The following NAALAD2 variants were observed in gnomAD, a reference collection of about 807,000 sequenced individuals.
NAALAD2 encodes N-acetylated-alpha-linked acidic dipeptidase 2.
A neutral mutation model predicts 95.6 loss-of-function variants in NAALAD2; 89 were observed. That is an observed-to-expected ratio of 0.93 (90% CI 0.78 to 1.11). NAALAD2 has a LOEUF of 1.11. Among genes scored for constraint, NAALAD2 ranks in the 50% least tolerant of loss-of-function variants. NAALAD2 has a pLI of 0.00. For missense variants in NAALAD2, 894 were observed against 872.4 expected, an observed-to-expected ratio of 1.02 and a Z score of -0.31; for synonymous variants, 264 against 294.4, an observed-to-expected ratio of 0.90 and a Z score of 1.06.
chr11:90,163,643 T>C, intron 11 of NAALAD2, 26 bp downstream of exon 11: 3 of 1,608,826 alleles, frequency 1.9e-6, no homozygotes, highest in Non-Finnish European at 2.6e-6. Flanking sequence ...AAGGTTCTTA[T>C]TATTTTTTTG....
At chr11:90,134,554 C>G, upstream of NAALAD2, 1 of 565,834 alleles carries the variant, frequency 1.8e-6, no homozygotes, top group Non-Finnish European at 3.2e-6. Context: ...GGAAGAATGT[C>G]TCCTCCCTCT....
chr11:90,187,249 T>A (rs1385155904), intron 18 of NAALAD2, among the ~76,000 whole-genome samples: 1 of 152,020 alleles, frequency 6.6e-6, no homozygotes, highest in Non-Finnish European at 1.5e-5. Flanking sequence ...TCAACCATTG[T>A]GGAAGTCAGT....
chr11:90,152,467 C>A lies in NAALAD2; in HGVS notation c.779C>A (p.Pro260Gln). The part of the protein sequence containing the change: ...NLNGAGDPLT[P>Q]GYPAKEYTFR... ...AATGGTGCTGGTGACCCACTCACTC[C>A]AGGCTATCCAGCAAAAGGTAAGGGA... Residue 260 changes from proline to glutamine, a missense_variant, in exon 6 of 19, where the codon CCA becomes CAA. Transcript: ENST00000534061. The A allele has an allele frequency of 1.9e-6, 3 of 1,610,590 alleles. No homozygotes were observed. The South Asian group carries it at 3.3e-5, about 18-fold the overall frequency.
At chr11:90,191,336 G>A (rs1857319364) in intron 18 of NAALAD2, among the ~76,000 whole-genome samples, 1 of 149,922 alleles carries the variant, frequency 6.7e-6, no homozygotes, top group Non-Finnish European at 1.5e-5. Flanking sequence ...CTTTGGGTTC[G>A]CAACATGGTA....
At chr11:90,145,382 GCTAAT>G (rs1951725799) in intron 2 of NAALAD2, among the ~76,000 whole-genome samples, 2 of 151,970 alleles carry the variant, frequency 1.3e-5, no homozygotes, top group African/African-American at 4.8e-5. Flanking sequence ...AAAGTTCATG[GCTAAT>G]CCTCCCTCCT....
At position 90,169,143 on chromosome 11, in the gene NAALAD2, A is replaced by G. The variant is rs74521624; in HGVS notation, c.1342+151A>G. On this transcript the variant is annotated intron_variant, in intron 12 of 18. Transcript: ENST00000534061. Reference sequence around the variant, plus strand: ...TCCCCTTCCTTTGAGATGCCTCAGTAATACCTTTATTTTTCATTTTGCCAC... The same window carrying G: ...TCCCCTTCCTTTGAGATGCCTCAGTGATACCTTTATTTTTCATTTTGCCAC... The G allele has an allele frequency of 4.6e-3, 2,413 of 519,960 alleles. 57 individuals carry two copies. The highest frequency in any genetic ancestry group is 0.045 in the African/African-American group (2,230 of 50,074). 32.2% of individuals were successfully genotyped at this position (519,960 alleles called of 1,614,324 possible).
At chr11:90,134,028 T>C (rs1318063945), upstream of NAALAD2, among the ~76,000 whole-genome samples, 1 of 152,136 alleles carries the variant, frequency 6.6e-6, no homozygotes, top group Non-Finnish European at 1.5e-5. Flanking sequence ...TTTGGGAAAT[T>C]GGTGTCTGAG....
At chr11:90,155,336 T>A (rs1405695757) in intron 6 of NAALAD2, among the ~76,000 whole-genome samples, 1 of 116,456 alleles carries the variant, frequency 8.6e-6, no homozygotes, top group Non-Finnish European at 1.6e-5. Flanking sequence ...TAATGTATAA[T>A]TATATATATT....
At chr11:90,144,455 G>T (rs1951698430) in intron 2 of NAALAD2, among the ~76,000 whole-genome samples, 4 of 151,852 alleles carry the variant, frequency 2.6e-5, no homozygotes, top group Admixed American at 2.6e-4. Flanking sequence ...AAGACAAGGA[G>T]GTTGGCTGGG....
At chr11:90,144,742 A>AAAAAAAAAAAAC (rs1555116096) in intron 2 of NAALAD2, among the ~76,000 whole-genome samples, 4 of 146,234 alleles carry the variant, frequency 2.7e-5, no homozygotes, top group African/African-American at 1.0e-4. Flanking sequence ...AACTCCATTA[A>AAAAAAAAAAAAC]AAAAAAAAAA....
At chr11:90,138,241 T>A (rs11018870) in intron 2 of NAALAD2, among the ~76,000 whole-genome samples, 1 of 151,894 alleles carries the variant, frequency 6.6e-6, no homozygotes, top group African/African-American at 2.4e-5. Context: ...TAGATTTTCA[T>A]GAAGGTCTTC....
rs76577722 is a variant in NAALAD2, at chr11:90,150,540, A to G, written c.542A>G (p.Glu181Gly). The G allele has an allele frequency of 7.6e-3, 12,306 of 1,611,220 alleles. 841 individuals are homozygous for G. In the African/African-American group the frequency reaches 0.14, roughly 19 times the overall value. ...GAAGACTTTTTCAAACTAGAAAGAG[A>G]GATGGGCATCAACTGTACTGGGAAG... ...RTEDFFKLEREMGINCTGKIV... is the reference protein window; with the variant it reads ...RTEDFFKLERGMGINCTGKIV... Residue 181 changes from glutamate to glycine, a missense_variant, in exon 5 of 19, where the codon GAG becomes GGG. Physicochemically the swap from Glu to Gly is moderately conservative, Grantham distance 98. Transcript: ENST00000534061.
chr11:90,177,139 C>A (rs111599230), intron 15 of NAALAD2, among the ~76,000 whole-genome samples: 3 of 151,832 alleles, frequency 2.0e-5, no homozygotes, highest in Non-Finnish European at 2.9e-5. Flanking sequence ...AAAGGCAGAC[C>A]GAAGAACTAA....
chr11:90,181,324 G>T (rs1219903131), intron 16 of NAALAD2, among the ~76,000 whole-genome samples: 1 of 152,012 alleles, frequency 6.6e-6, no homozygotes, highest in Non-Finnish European at 1.5e-5. Context: ...CCCAATGAAT[G>T]AATGAATTAA....
rs1202314021 is a variant in NAALAD2, at chr11:90,178,045, A to T, written c.1786A>T (p.Asn596Tyr). The part of the protein sequence containing the change: ...NIQDYAEALK[N>Y]YAASIYNLSK... ...TCAAGACTATGCAGAAGCTTTGAAA[A>T]ACTATGCAGCAAGTATCTATAATCT... Residue 596 changes from asparagine (N) to tyrosine (Y), a missense_variant, in exon 16 of 19, where the codon AAC becomes TAC. Asn to Tyr is a moderately radical substitution (Grantham distance 143, BLOSUM62 -2). Transcript: ENST00000534061. 6.2e-7 allele frequency: 1 copy of T among 1,613,782 alleles called. No homozygotes were observed. The highest frequency in any genetic ancestry group is 8.5e-7 in the Non-Finnish European group (1 of 1,179,900).
At chr11:90,176,713 GAC>G (rs1275147167) in intron 15 of NAALAD2, among the ~76,000 whole-genome samples, 2 of 152,142 alleles carry the variant, frequency 1.3e-5, no homozygotes, top group African/African-American at 4.8e-5. Flanking sequence ...TACAGTAGCA[GAC>G]ACAGATTTGT....
chr11:90,176,966 T>C (rs565861604), intron 15 of NAALAD2, among the ~76,000 whole-genome samples: 2 of 152,338 alleles, frequency 1.3e-5, no homozygotes, highest in Admixed American at 1.3e-4. Flanking sequence ...CTCTGTCTTC[T>C]GTAATTTGCT....
At chr11:90,134,007 A>C (rs1325872564), upstream of NAALAD2, among the ~76,000 whole-genome samples, 1 of 152,144 alleles carries the variant, frequency 6.6e-6, no homozygotes, top group African/African-American at 2.4e-5. Context: ...TAGCATGTCA[A>C]AGCACCATAT....
intron 2 of NAALAD2, among the ~76,000 whole-genome samples, chr11:90,140,005 C>T (rs7128201): frequency 0.45 from 68,171 of 151,788 alleles, 16,277 homozygotes; most frequent in African/African-American, 0.61. Context: ...ATGGATCCCA[C>T]GGTGTTATTC....
Sources: allele counts gnomAD v4.1 joint callset (sites outside exome capture counted in the v4.1 genomes callset), GRCh38; gene constraint gnomAD v4.1.1; transcripts MANE v1.5; gene names NCBI Gene and HGNC (gene_info 2026-07-23, HGNC 2026-07-21).